PRKAG1: variants seen among roughly 807,000 people sequenced by gnomAD.
The protein encoded by PRKAG1 is 5'-AMP-activated protein kinase subunit gamma-1.
Under a neutral mutation model 48.2 loss-of-function variants are expected in PRKAG1, and 27 were observed. The ratio of observed to expected loss-of-function variants is 0.56; its 90% CI spans 0.41 to 0.77. PRKAG1 has a LOEUF of 0.77. Ranked by LOEUF, PRKAG1 falls within the 30% of genes least tolerant of loss-of-function variation. The pLI is 0.00. For missense variants in PRKAG1, 287 were observed against 398.3 expected, an observed-to-expected ratio of 0.72 and a Z score of 2.38; for synonymous variants, 130 against 147.7, an observed-to-expected ratio of 0.88 and a Z score of 0.87.
At chr12:49,004,397 A>G (rs942536194) in intron 8 of PRKAG1, 110 bp downstream of exon 8, 1 of 1,404,712 alleles carries the variant, frequency 7.1e-7, no homozygotes, top group Non-Finnish European at 9.8e-7. Flanking sequence ...TGAGCTCAGG[A>G]GTTTGACACT....
intron 10 of PRKAG1, 101 bp from the exon 11 acceptor site, chr12:49,003,391 C>A: frequency 6.5e-7 from 1 of 1,549,412 alleles, no homozygotes; most frequent in South Asian, 1.2e-5. Context: ...CAATTGTCAG[C>A]CACAAGCCAC....
intron 1 of PRKAG1, 86 bp from the exon 2 acceptor site, chr12:49,013,196 T>A: frequency 2.4e-6 from 3 of 1,247,754 alleles, no homozygotes; most frequent in Non-Finnish European, 3.5e-6. Flanking sequence ...GGTGAACAAA[T>A]AATGACTTTC....
At chr12:49,003,977 A>C in intron 8 of PRKAG1, 55 bp from the exon 9 acceptor site, 1 of 1,533,040 alleles carries the variant, frequency 6.5e-7, no homozygotes, top group Non-Finnish European at 8.8e-7. Context: ...ACCCTTGGAT[A>C]CCCCCTCCAA....
intron 2 of PRKAG1, 170 bp downstream of exon 2, chr12:49,012,892 T>G: frequency 1.6e-6 from 1 of 636,312 alleles, no homozygotes. Context: ...CTGCCCAAGA[T>G]TTATTCCTGG....
chr12:49,003,719 T>A, intron 9 of PRKAG1, 38 bp downstream of exon 9: 1 of 1,606,576 alleles, frequency 6.2e-7, no homozygotes, highest in Non-Finnish European at 8.5e-7. Context: ...CTGACTTGCC[T>A]GGATCTTCCC....
chr12:49,009,723 C>T (rs1170599031), intron 2 of PRKAG1, among the ~76,000 whole-genome samples: 1 of 152,124 alleles, frequency 6.6e-6, no homozygotes, highest in Non-Finnish European at 1.5e-5. Context: ...AGCGATTCTC[C>T]TGTCTCAGCC....
chr12:49,005,673 G>A lies in PRKAG1; in HGVS notation c.168+70C>T. 6.2e-7 allele frequency: 1 copy of A among 1,604,400 alleles called. No homozygotes were observed. Among genetic ancestry groups the A allele is most frequent in the Non-Finnish European group, 8.5e-7 (1 of 1,171,582 alleles). ...CAGAAGGATAAGGATATTACCCTTA[G>A]GATGAGATAGGATGAGAGGTATTAA... On this transcript the variant is annotated intron_variant, in intron 3 of 11. Transcript: ENST00000548065. This position sits in a 1 kb window ranked among gnomAD's most constrained non-coding sequence, Gnocchi z 4.1.
At chr12:49,006,728 G>C (rs1941550784) in intron 2 of PRKAG1, among the ~76,000 whole-genome samples, 1 of 152,090 alleles carries the variant, frequency 6.6e-6, no homozygotes, top group Non-Finnish European at 1.5e-5. Context: ...CCAGAACTTT[G>C]GGAGGCCAAG....
chr12:49,003,200 T>C lies in PRKAG1; in HGVS notation c.832A>G (p.Lys278Glu). Residue 278 changes from lysine (K) to glutamate (E), a missense_variant, in exon 11 of 12, where the codon AAG becomes GAG. Physicochemically the swap from Lys to Glu is moderately conservative, Grantham distance 56. Transcript: ENST00000548065. ...TCCAGAGTCTCATGCAGGTAGCACT[T>C]GAGAACACCCTCAAAGTAATGTGAT... ...HRSHYFEGVL[K>E]CYLHETLETI... 1 of 1,614,142 alleles carries C rather than the reference T, an allele frequency of 6.2e-7. No homozygotes were observed. The highest frequency in any genetic ancestry group is 8.5e-7 in the Non-Finnish European group (1 of 1,180,028).
At chr12:49,003,508 G>C (rs199927662) in intron 10 of PRKAG1, 50 bp downstream of exon 10, 1 of 1,371,370 alleles carries the variant, frequency 7.3e-7, no homozygotes, top group South Asian at 1.3e-5. Flanking sequence ...ATTTAACAGT[G>C]CCCCCCCCCC....
chr12:49,005,256 G>A lies in PRKAG1; in HGVS notation c.309+50C>T. 1 of 1,612,704 alleles carries A rather than the reference G, an allele frequency of 6.2e-7. No homozygotes were observed. Among genetic ancestry groups the A allele is most frequent in the Non-Finnish European group, 8.5e-7 (1 of 1,178,852 alleles). Reference sequence around the variant, plus strand: ...TTGGAGAAAAAGAAATGAGAATGAGGGATTTAGGGCAGGGAAAGTGATTTT... The same window carrying A: ...TTGGAGAAAAAGAAATGAGAATGAGAGATTTAGGGCAGGGAAAGTGATTTT... On this transcript the variant is annotated intron_variant, in intron 5 of 11. Coordinates refer to ENST00000548065, the MANE Select transcript of PRKAG1 (RefSeq NM_002733.5). This position sits in a 1 kb window ranked among gnomAD's most constrained non-coding sequence, Gnocchi z 4.1.
rs755519291 is a variant in PRKAG1, at chr12:49,003,934, A to G, written c.538-12T>C. On this transcript the variant is annotated splice_polypyrimidine_tract_variant and intron_variant, in intron 8 of 11. Coordinates refer to ENST00000548065, the MANE Select transcript of PRKAG1 (RefSeq NM_002733.5). ...GGGAACTCAGTGATCTGAGGAAAGAACCATCAGCTTAACTTTCAAGGCACC... is the reference window on the plus strand; with the variant it reads ...GGGAACTCAGTGATCTGAGGAAAGAGCCATCAGCTTAACTTTCAAGGCACC... 14 of 1,577,972 alleles carry G rather than the reference A, an allele frequency of 8.9e-6. No homozygotes were observed. Among genetic ancestry groups the G allele is most frequent in the Non-Finnish European group, 1.1e-5 (13 of 1,160,434 alleles).
chr12:49,005,101 A>AC lies in PRKAG1; in HGVS notation c.355+18dup, dbSNP rs762588919. 8 of 1,613,572 alleles carry AC rather than the reference A, an allele frequency of 5.0e-6. No individual in the cohort carries two copies. The Admixed American group carries it at 1.3e-4, about 27-fold the overall frequency. On this transcript the variant is annotated intron_variant, in intron 6 of 11. Transcript: ENST00000548065. The surrounding 1 kb of genome is among the most constrained non-coding windows in gnomAD (Gnocchi z 4.1). ...CCCGCCATCCCTTTATCCTTTTATA[A>AC]CCCCAATTCTCTACATACCTCTCCA...
Position 49,005,051 on chromosome 12 carries a change from A to C in PRKAG1, c.356-33T>G. ...GAAAAGGGATGGGTCACAAAATACC[A>C]CCATGGAAAAGTGTTTCCCAGAAAC... On this transcript the variant is annotated intron_variant, in intron 6 of 11. Coordinates refer to ENST00000548065, the MANE Select transcript of PRKAG1 (RefSeq NM_002733.5). This position sits in a 1 kb window ranked among gnomAD's most constrained non-coding sequence, Gnocchi z 4.1. 6.2e-7 allele frequency: 1 copy of C among 1,613,374 alleles called. No individual in the cohort carries two copies. Among genetic ancestry groups the C allele is most frequent in the Non-Finnish European group, 8.5e-7 (1 of 1,179,494 alleles).
chr12:49,004,771 A>AAG (rs145803889), intron 7 of PRKAG1, 138 bp from the exon 8 acceptor site: 169 of 1,194,666 alleles, frequency 1.4e-4, no homozygotes, highest in South Asian at 3.9e-4. Flanking sequence ...CTTAAAGAGA[A>AAG]AGAGAGAGAG....
intron 2 of PRKAG1, among the ~76,000 whole-genome samples, chr12:49,009,080 ATGTT>A (rs924475022): frequency 2.4e-4 from 34 of 144,254 alleles, no homozygotes; most frequent in Admixed American, 1.2e-3. Context: ...GATCCTTTAA[ATGTT>A]TGTTTGTTTT....
Position 49,002,444 on chromosome 12 carries a change from A to T in PRKAG1, c.*455T>A, listed in dbSNP as rs1941327711. ...CTCCCCACTCACATTATGGGAAGAA[A>T]TGTCACTAAATGGACTTGGCCTCCT... On this transcript the variant is annotated 3_prime_UTR_variant, in exon 12 of 12. Coordinates refer to ENST00000548065, the MANE Select transcript of PRKAG1 (RefSeq NM_002733.5). 8.2e-6 allele frequency: 2 copies of T among 243,454 alleles called. No homozygotes were observed. The highest frequency in any genetic ancestry group is 1.6e-5 in the Non-Finnish European group (2 of 121,616). The allele number at this position is 243,454 out of a possible 1,614,324, so 15.1% of individuals were successfully genotyped here.
chr12:49,002,333 A>G lies in PRKAG1; in HGVS notation c.*566T>C, dbSNP rs1162311395. ...CCACAAAAAGCAATAACCTTAGCTA[A>G]CCACGCTGCTCTCCTCCTCCACCTA... On this transcript the variant is annotated 3_prime_UTR_variant, in exon 12 of 12. Transcript: ENST00000548065. 3 of 179,514 alleles carry G rather than the reference A, an allele frequency of 1.7e-5. No homozygotes were observed. Among genetic ancestry groups the G allele is most frequent in the Admixed American group, 5.4e-5 (1 of 18,354 alleles). The allele number at this position is 179,514 out of a possible 1,614,324, so 11.1% of individuals were successfully genotyped here.
At chr12:49,006,382 A>C (rs1941538242) in intron 2 of PRKAG1, among the ~76,000 whole-genome samples, 1 of 152,110 alleles carries the variant, frequency 6.6e-6, no homozygotes, top group Non-Finnish European at 1.5e-5. Flanking sequence ...AATTAAAAAA[A>C]AAATTATTCT....
Sources: gnomAD v4.1 joint callset for allele counts (sites outside exome capture counted in the v4.1 genomes callset) on GRCh38, gnomAD v4.1.1 for gene constraint, Gnocchi (gnomAD v3.1) non-coding constraint, MANE v1.5 for transcripts, NCBI Gene and HGNC (gene_info 2026-07-23, HGNC 2026-07-21) for gene names.